The following EXOC2 variants were observed in gnomAD, a reference collection of about 807,000 sequenced individuals.
The protein encoded by EXOC2 is SEC5-like 1.
EXOC2 carries 70 observed loss-of-function variants against 131.8 expected under a neutral mutation model. The observed-to-expected ratio is 0.53, with a 90% CI of 0.44 to 0.65. EXOC2 has a LOEUF of 0.65. Ranked by LOEUF, EXOC2 falls within the 30% of genes least tolerant of loss-of-function variation. The pLI is 0.00. For synonymous variants in EXOC2, 411 were observed against 398.4 expected (o/e 1.03, Z -0.38); for missense variants, 923 against 1,108.6 (o/e 0.83, Z 2.38).
At chr6:604,264 C>G (rs546233397) in intron 7 of EXOC2, among the ~76,000 whole-genome samples, 4 of 152,322 alleles carry the variant, frequency 2.6e-5, no homozygotes, top group African/African-American at 7.2e-5. Flanking sequence ...CTGTAAATCA[C>G]CAATGACTAC....
At chr6:572,815 C>T (rs1194994855) in intron 12 of EXOC2, among the ~76,000 whole-genome samples, 171 bp from the exon 13 acceptor site, 1 of 152,240 alleles carries the variant, frequency 6.6e-6, no homozygotes, top group East Asian at 1.9e-4. Context: ...CAGCGGTACG[C>T]TCGTCACCAG....
At chr6:500,778 T>TG (rs1309097825) in intron 23 of EXOC2, among the ~76,000 whole-genome samples, 4 of 152,130 alleles carry the variant, frequency 2.6e-5, no homozygotes, top group African/African-American at 9.7e-5. Context: ...AAAGCATGGA[T>TG]GTTCCCAGTA....
intron 1 of EXOC2, among the ~76,000 whole-genome samples, chr6:647,503 G>C (rs1762627502): frequency 6.8e-6 from 1 of 147,098 alleles, no homozygotes; most frequent in Non-Finnish European, 1.5e-5. Context: ...GCACACACCT[G>C]ATGAGTTGTC....
At chr6:496,357 ATTTG>A (rs1048625573) in intron 25 of EXOC2, among the ~76,000 whole-genome samples, 16 of 152,188 alleles carry the variant, frequency 1.1e-4, no homozygotes, top group African/African-American at 3.9e-4. Context: ...TTGATTTTTT[ATTTG>A]TTTGTTTTAG....
intron 1 of EXOC2, among the ~76,000 whole-genome samples, chr6:641,221 A>C (rs1762338949): frequency 6.6e-6 from 1 of 152,074 alleles, no homozygotes; most frequent in African/African-American, 2.4e-5. Context: ...GAAATGGCAG[A>C]TTAGAAGAAT....
chr6:510,111 A>G (rs893493340), intron 23 of EXOC2, among the ~76,000 whole-genome samples: 1 of 152,226 alleles, frequency 6.6e-6, no homozygotes, highest in Non-Finnish European at 1.5e-5. Flanking sequence ...ATTAAAAAAA[A>G]GAAAAAGATA....
intron 2 of EXOC2, among the ~76,000 whole-genome samples, chr6:637,271 G>A (rs977309972): frequency 6.6e-6 from 1 of 151,922 alleles, no homozygotes; most frequent in Non-Finnish European, 1.5e-5. Flanking sequence ...ACTGCTGCCC[G>A]TGTCACCAGG....
chr6:630,413 ATGTC>A (rs1315701843), intron 3 of EXOC2, among the ~76,000 whole-genome samples: 1 of 152,224 alleles, frequency 6.6e-6, no homozygotes, highest in Non-Finnish European at 1.5e-5. Flanking sequence ...CTCTTGGAAA[ATGTC>A]TGGGAAATAT....
At chr6:577,878 C>G (rs763122559) in intron 11 of EXOC2, among the ~76,000 whole-genome samples, 27 of 152,208 alleles carry the variant, frequency 1.8e-4, no homozygotes, top group Non-Finnish European at 3.8e-4. Context: ...TGAAATACAG[C>G]TATTACACAA....
At chr6:658,645 TTATA>T (rs373868934) in intron 1 of EXOC2, among the ~76,000 whole-genome samples, 3,138 of 118,332 alleles carry the variant, frequency 0.027, 111 homozygotes, top group Middle Eastern at 0.07. Context: ...TATATATATT[TTATA>T]TATATATATA....
At chr6:658,741 G>A (rs1407611750) in intron 1 of EXOC2, among the ~76,000 whole-genome samples, 2 of 146,938 alleles carry the variant, frequency 1.4e-5, no homozygotes, top group Admixed American at 6.8e-5. Context: ...GGCTCACTGC[G>A]ACCTCTACCT....
At chr6:512,317 C>A (rs955681574) in intron 23 of EXOC2, among the ~76,000 whole-genome samples, 5 of 152,248 alleles carry the variant, frequency 3.3e-5, no homozygotes, top group African/African-American at 1.2e-4. Flanking sequence ...TAAACCAGCT[C>A]CGATCCTCCT....
At chr6:562,700 G>A in intron 17 of EXOC2, 84 bp downstream of exon 17, 1 of 881,300 alleles carries the variant, frequency 1.1e-6, no homozygotes, top group African/African-American at 1.7e-5. Context: ...GCAACACATG[G>A]AGCACATGCT....
At chr6:572,054 GC>G (rs1758310909) in intron 13 of EXOC2, among the ~76,000 whole-genome samples, 2 of 152,206 alleles carry the variant, frequency 1.3e-5, no homozygotes. Context: ...TAACAATGGG[GC>G]TAGACTGCAG....
chr6:497,614 G>A (rs1473491681), intron 24 of EXOC2, 125 bp from the exon 25 acceptor site: 3 of 1,245,768 alleles, frequency 2.4e-6, no homozygotes, highest in African/African-American at 3.0e-5. Flanking sequence ...TTTTTAAAAG[G>A]CCAAAATTAT....
intron 22 of EXOC2, among the ~76,000 whole-genome samples, chr6:544,632 A>T (rs780053847): frequency 2.6e-5 from 4 of 152,236 alleles, no homozygotes; most frequent in Non-Finnish European, 5.9e-5. Context: ...AACTGTACTC[A>T]CTCACATCTA....
chr6:514,683 G>T (rs957363875), intron 23 of EXOC2, among the ~76,000 whole-genome samples: 2 of 152,214 alleles, frequency 1.3e-5, no homozygotes, highest in African/African-American at 2.4e-5. Flanking sequence ...CAAAGGGGTC[G>T]CCCCTGGGGC....
At chr6:662,023 A>G (rs1406465965) in intron 1 of EXOC2, among the ~76,000 whole-genome samples, 1 of 152,268 alleles carries the variant, frequency 6.6e-6, no homozygotes, top group Non-Finnish European at 1.5e-5. Context: ...CAGACAAAAC[A>G]AACTTTAAAG....
chr6:671,095 G>C (rs1299397285), intron 1 of EXOC2, among the ~76,000 whole-genome samples: 2 of 148,902 alleles, frequency 1.3e-5, no homozygotes, highest in Non-Finnish European at 3.0e-5. Flanking sequence ...GGTGGCTCAC[G>C]CCTGTAATCC....
Sources: allele counts gnomAD v4.1 joint callset (sites outside exome capture counted in the v4.1 genomes callset), GRCh38; gene constraint gnomAD v4.1.1; transcripts MANE v1.5; gene names NCBI Gene and HGNC (gene_info 2026-07-23, HGNC 2026-07-21).